Variants in GRIK3 observed in about 807,000 individuals in gnomAD.
The protein encoded by GRIK3 is glutamate receptor ionotropic, kainate 3.
Under a neutral mutation model 102.5 loss-of-function variants are expected in GRIK3, and 29 were observed. That is an observed-to-expected ratio of 0.28 (90% CI 0.21 to 0.39). The LOEUF (loss-of-function observed/expected upper bound fraction) is 0.39, where lower values mean the gene tolerates loss of function less well. Among genes scored for constraint, GRIK3 ranks in the 10% least tolerant of loss-of-function variants. The pLI is 1.00. For missense variants in GRIK3, 908 were observed against 1,252.4 expected (o/e 0.73, Z 4.15); for synonymous variants, 511 against 504.9 (o/e 1.01, Z -0.16).
chr1:36,943,476 C>T (rs950535146), intron 1 of GRIK3, among the ~76,000 whole-genome samples: 3 of 152,140 alleles, frequency 2.0e-5, no homozygotes, highest in South Asian at 2.1e-4. Flanking sequence ...ATTACAATAC[C>T]GACCAGCAAG....
chr1:36,960,288 T>C (rs531609003), intron 1 of GRIK3, among the ~76,000 whole-genome samples: 1 of 149,168 alleles, frequency 6.7e-6, no homozygotes, highest in East Asian at 2.0e-4. Context: ...CTGTGACCCA[T>C]GAGCCTGTGT....
rs1488041624 is a variant in GRIK3 at position 36,872,890 on chromosome 1, C to T, written c.551-521G>A. On this transcript the variant is annotated intron_variant, in intron 3 of 15. Transcript: ENST00000373091. This position sits in a 1 kb window ranked among gnomAD's most constrained non-coding sequence, Gnocchi z 5.9. Reference sequence around the variant, plus strand: ...AGGATATGGGCACAAAAGGCAGCTCCAGCCTCAGTGGTACTAACCTGTACC... The same window carrying T: ...AGGATATGGGCACAAAAGGCAGCTCTAGCCTCAGTGGTACTAACCTGTACC... 6.6e-6 allele frequency among the ~76,000 whole-genome samples: 1 copy of T among 152,216 alleles called. No individual in the cohort carries two copies. The highest frequency in any genetic ancestry group is 1.5e-5 in the Non-Finnish European group (1 of 68,042).
intron 13 of GRIK3, among the ~76,000 whole-genome samples, chr1:36,810,740 G>C (rs985655725): frequency 6.6e-6 from 1 of 152,170 alleles, no homozygotes; most frequent in African/African-American, 2.4e-5. Flanking sequence ...GGAATCTTTG[G>C]CCTTACTGGA....
At chr1:36,975,242 A>C (rs915091523) in intron 1 of GRIK3, among the ~76,000 whole-genome samples, 4 of 151,862 alleles carry the variant, frequency 2.6e-5, no homozygotes, top group Non-Finnish European at 5.9e-5. Flanking sequence ...CACAGATAAC[A>C]TCACCCAGGA....
intron 3 of GRIK3, among the ~76,000 whole-genome samples, chr1:36,877,939 T>C (rs1384425920): frequency 6.6e-6 from 1 of 152,244 alleles, no homozygotes; most frequent in East Asian, 1.9e-4. Context: ...AGGCACCCAT[T>C]CTTCTATGCT....
At chr1:36,836,793 T>A (rs1187252139) in intron 10 of GRIK3, among the ~76,000 whole-genome samples, 1 of 152,162 alleles carries the variant, frequency 6.6e-6, no homozygotes, top group African/African-American at 2.4e-5. Flanking sequence ...TTAGCCTCCC[T>A]CTTGCTCTGA....
chr1:36,913,163 TG>T (rs1431416309), intron 1 of GRIK3, among the ~76,000 whole-genome samples: 4 of 152,158 alleles, frequency 2.6e-5, no homozygotes, highest in Non-Finnish European at 5.9e-5. Context: ...TCTCCCTGGA[TG>T]GGGGCGTGTC....
chr1:36,886,912 G>T (rs994257465), intron 2 of GRIK3, among the ~76,000 whole-genome samples: 1 of 152,202 alleles, frequency 6.6e-6, no homozygotes, highest in Non-Finnish European at 1.5e-5. Flanking sequence ...CACCTATGAT[G>T]TTGAGTGGAG....
chr1:36,871,918 G>C (rs1406939902), intron 4 of GRIK3, among the ~76,000 whole-genome samples: 1 of 152,176 alleles, frequency 6.6e-6, no homozygotes, highest in African/African-American at 2.4e-5. Flanking sequence ...GGAAACTCGT[G>C]TCTACTCAGC....
In GRIK3 at chr1:36,957,892, G is replaced by C. The variant is rs534760899; in HGVS notation, c.116-66796C>G. 3.8e-5 allele frequency among the ~76,000 whole-genome samples: 3 copies of C among 78,266 alleles called. No individual in the cohort carries two copies. The South Asian group carries it at 1.5e-3, about 39-fold the overall frequency. The allele number at this position is 78,266 out of a possible 152,430, so 51.3% of individuals were successfully genotyped here. On this transcript the variant is annotated intron_variant, in intron 1 of 15. Coordinates refer to ENST00000373091, the MANE Select transcript of GRIK3 (RefSeq NM_000831.4). Reference sequence around the variant, plus strand: ...CCCGTGACTCTGTGCCCCTGAGTCTGTGTGCCCTGTGAGTCTGTGCCCCGT... The same window carrying C: ...CCCGTGACTCTGTGCCCCTGAGTCTCTGTGCCCTGTGAGTCTGTGCCCCGT...
intron 10 of GRIK3, among the ~76,000 whole-genome samples, chr1:36,833,354 A>G (rs1042330129): frequency 1.3e-5 from 2 of 152,124 alleles, no homozygotes; most frequent in African/African-American, 4.8e-5. Context: ...CTGACCTGTC[A>G]GTGGACCCTA....
At chr1:36,994,968 C>T (rs1642404667) in intron 1 of GRIK3, among the ~76,000 whole-genome samples, 1 of 152,172 alleles carries the variant, frequency 6.6e-6, no homozygotes, top group Non-Finnish European at 1.5e-5. Context: ...CCTTCACAAA[C>T]AGCAGACCAA....
chr1:36,984,945 T>C (rs1191787369), intron 1 of GRIK3, among the ~76,000 whole-genome samples: 1 of 151,872 alleles, frequency 6.6e-6, no homozygotes, highest in Non-Finnish European at 1.5e-5. Flanking sequence ...GGGAGAAAGG[T>C]CCCAGCTCAG....
intron 11 of GRIK3, 63 bp downstream of exon 11, chr1:36,825,540 G>T: frequency 1.8e-6 from 2 of 1,110,482 alleles, no homozygotes; most frequent in Non-Finnish European, 2.6e-6. Context: ...GAGGAGATGA[G>T]GACCTGCCTA....
rs80232903 is a variant in GRIK3, at chr1:36,839,808, A to G, written c.1530+1928T>C. Among the ~76,000 whole-genome samples, 963 of 152,190 alleles carry G rather than the reference A, an allele frequency of 6.3e-3. 13 individuals carry two copies. The highest frequency in any genetic ancestry group is 0.021 in the African/African-American group (892 of 41,528). On this transcript the variant is annotated intron_variant, in intron 10 of 15. Coordinates refer to ENST00000373091, the MANE Select transcript of GRIK3 (RefSeq NM_000831.4). Reference sequence around the variant, plus strand: ...CCTATTAGACTTCCACAGGAGCCCAATTTGCTGGGGACTAGGAAGTGACTC... The same window carrying G: ...CCTATTAGACTTCCACAGGAGCCCAGTTTGCTGGGGACTAGGAAGTGACTC...
At chr1:36,938,919 A>G (rs1641688941) in intron 1 of GRIK3, among the ~76,000 whole-genome samples, 1 of 152,204 alleles carries the variant, frequency 6.6e-6, no homozygotes, top group Admixed American at 6.5e-5. Context: ...TGGGGAAGCC[A>G]ACTTGAGAGG....
intron 1 of GRIK3, among the ~76,000 whole-genome samples, chr1:37,014,745 C>T (rs771330698): frequency 3.9e-5 from 6 of 152,236 alleles, no homozygotes; most frequent in Non-Finnish European, 7.3e-5. Flanking sequence ...ACATTCACAC[C>T]TGCCATTTTG....
chr1:36,951,435 T>C (rs1271809591), intron 1 of GRIK3, among the ~76,000 whole-genome samples: 1 of 152,198 alleles, frequency 6.6e-6, no homozygotes, highest in Non-Finnish European at 1.5e-5. Flanking sequence ...TCCTTTGTCT[T>C]CTTCCCACTG....
intron 9 of GRIK3, among the ~76,000 whole-genome samples, chr1:36,846,188 C>T (rs886877559): frequency 3.3e-5 from 5 of 151,458 alleles, no homozygotes; most frequent in African/African-American, 7.3e-5. Context: ...AGGCTGGGGC[C>T]GGGCGGTGAG....
Sources: gnomAD v4.1 joint callset for allele counts (sites outside exome capture counted in the v4.1 genomes callset) on GRCh38, gnomAD v4.1.1 for gene constraint, Gnocchi (gnomAD v3.1) non-coding constraint, MANE v1.5 for transcripts, NCBI Gene and HGNC (gene_info 2026-07-23, HGNC 2026-07-21) for gene names.